Variants in SOX5 observed in about 807,000 individuals in gnomAD.
SOX5 encodes the protein transcription factor SOX-5.
A neutral mutation model predicts 92.0 loss-of-function variants in SOX5; 9 were observed. The observed-to-expected ratio is 0.10, with a 90% CI of 0.06 to 0.17. The LOEUF (loss-of-function observed/expected upper bound fraction) is 0.17. Ranked by LOEUF, SOX5 falls within the 10% of genes least tolerant of loss-of-function variation. The pLI is 1.00. For synonymous variants in SOX5, 344 were observed against 336.3 expected (o/e 1.02, Z -0.25); for missense variants, 642 against 944.5 (o/e 0.68, Z 4.20).
chr12:24,270,508 C>T (rs1321531732), intron 3 of SOX5, among the ~76,000 whole-genome samples: 3 of 152,128 alleles, frequency 2.0e-5, no homozygotes, highest in Non-Finnish European at 2.9e-5. Flanking sequence ...ACTATTTGCT[C>T]TATTATTTTA....
chr12:23,717,011 C>T (rs1324172211), intron 6 of SOX5, among the ~76,000 whole-genome samples: 1 of 152,178 alleles, frequency 6.6e-6, no homozygotes, highest in Non-Finnish European at 1.5e-5. Context: ...CTTTTTGTGG[C>T]CTTTTAGCTG....
intron 3 of SOX5, among the ~76,000 whole-genome samples, chr12:24,224,350 T>C (rs1961354471): frequency 6.6e-6 from 1 of 152,144 alleles, no homozygotes; most frequent in African/African-American, 2.4e-5. Flanking sequence ...TCTTTCTTTT[T>C]TTTTTCGCCT....
At chr12:24,087,978 C>T (rs1472874917) in intron 4 of SOX5, among the ~76,000 whole-genome samples, 1 of 151,904 alleles carries the variant, frequency 6.6e-6, no homozygotes, top group Non-Finnish European at 1.5e-5. Context: ...AACATTCTTC[C>T]AACTAGTGAG....
intron 3 of SOX5, among the ~76,000 whole-genome samples, chr12:24,236,357 G>T (rs1033527105): frequency 1.3e-5 from 2 of 152,094 alleles, no homozygotes; most frequent in Admixed American, 1.3e-4. Context: ...TCATCAATCA[G>T]ACTACACATT....
At chr12:24,121,213 G>A (rs1948577828) in intron 4 of SOX5, among the ~76,000 whole-genome samples, 1 of 152,126 alleles carries the variant, frequency 6.6e-6, no homozygotes, top group Admixed American at 6.5e-5. Context: ...AAATATTTAC[G>A]ATGACTACTG....
chr12:23,962,690 ACTG>A (rs889739375), intron 4 of SOX5, among the ~76,000 whole-genome samples: 6 of 152,332 alleles, frequency 3.9e-5, no homozygotes, highest in African/African-American at 1.4e-4. Flanking sequence ...TTAGGCAGGC[ACTG>A]CTATTTTGAT....
intron 1 of SOX5, among the ~76,000 whole-genome samples, chr12:23,941,881 A>G (rs933128315): frequency 1.3e-5 from 2 of 151,348 alleles, no homozygotes; most frequent in African/African-American, 2.4e-5. Flanking sequence ...AACCTGAATT[A>G]TATGTGACAT....
rs1297910442 is a variant in SOX5, at chr12:23,949,634, A to G, written c.-33T>C. 3.7e-6 allele frequency: 6 copies of G among 1,613,746 alleles called. No homozygotes were observed. The highest frequency in any genetic ancestry group is 5.1e-6 in the Non-Finnish European group (6 of 1,179,848). On this transcript the variant is annotated 5_prime_UTR_variant, in exon 1 of 15. Transcript: ENST00000451604. ...AAGCACAATTTCCCTTTGTCACAGC[A>G]GCCACCTATGATCGTCTCCAACTGA...
At chr12:23,871,223 T>C (rs2096869141) in intron 2 of SOX5, among the ~76,000 whole-genome samples, 1 of 152,188 alleles carries the variant, frequency 6.6e-6, no homozygotes, top group Non-Finnish European at 1.5e-5. Flanking sequence ...TTGACTCTCT[T>C]ACTGTCTGAA....
Position 23,577,200 on chromosome 12 carries a change from T to A in SOX5, c.1165-1362A>T, listed in dbSNP as rs1256229508. Among the ~76,000 whole-genome samples, 450 of 134,918 alleles carry A rather than the reference T, an allele frequency of 3.3e-3. 4 individuals are homozygous for A. Among genetic ancestry groups the A allele is most frequent in the African/African-American group, 0.011 (423 of 36,996 alleles). The allele number at this position is 134,918 out of a possible 152,430, so 88.5% of individuals were successfully genotyped here. On this transcript the variant is annotated intron_variant, in intron 9 of 14. Coordinates refer to ENST00000451604, the MANE Select transcript of SOX5 (RefSeq NM_006940.6). Reference sequence around the variant, plus strand: ...ACATATATATATATATATTTTTTTTTTTTTTTTTTTTTGAGATGGAGTCTT... The same window carrying A: ...ACATATATATATATATATTTTTTTTATTTTTTTTTTTTGAGATGGAGTCTT...
chr12:24,383,128 G>A (rs1483871686), intron 1 of SOX5, among the ~76,000 whole-genome samples: 2 of 152,148 alleles, frequency 1.3e-5, no homozygotes, highest in African/African-American at 4.8e-5. Flanking sequence ...ATATTGCCAA[G>A]GCTGGTCACC....
chr12:23,645,533 C>G (rs1194116155), intron 7 of SOX5, among the ~76,000 whole-genome samples: 1 of 152,142 alleles, frequency 6.6e-6, no homozygotes, highest in Non-Finnish European at 1.5e-5. Context: ...GAGACAAAGA[C>G]GTATTCCTAA....
chr12:23,715,879 C>A (rs1003150392), intron 6 of SOX5, among the ~76,000 whole-genome samples: 1 of 148,380 alleles, frequency 6.7e-6, no homozygotes, highest in Non-Finnish European at 1.5e-5. Flanking sequence ...AATTAAACAA[C>A]CTTAATCTCA....
chr12:23,854,322 G>A (rs933154241), intron 2 of SOX5, among the ~76,000 whole-genome samples: 1 of 151,422 alleles, frequency 6.6e-6, no homozygotes, highest in Non-Finnish European at 1.5e-5. Flanking sequence ...GTCCTCCCAT[G>A]CAGTAAAATA....
intron 9 of SOX5, among the ~76,000 whole-genome samples, chr12:23,585,049 ATAAC>A (rs1434119570): frequency 6.6e-5 from 10 of 152,166 alleles, no homozygotes; most frequent in African/African-American, 1.2e-4. Context: ...AGATTAATCA[ATAAC>A]TAACTCGATA....
chr12:23,940,479 C>A (rs957257104), intron 1 of SOX5, among the ~76,000 whole-genome samples: 1 of 151,112 alleles, frequency 6.6e-6, no homozygotes, highest in African/African-American at 2.4e-5. Context: ...GAGCTAGGGA[C>A]ACTGCAAATG....
chr12:23,999,528 A>C (rs1382028826), intron 4 of SOX5, among the ~76,000 whole-genome samples: 1 of 152,142 alleles, frequency 6.6e-6, no homozygotes, highest in South Asian at 2.1e-4. Context: ...TAATCATTTC[A>C]TAATGTATAC....
Position 24,405,183 on chromosome 12 carries a change from A to G in SOX5, c.-250-36544T>C, listed in dbSNP as rs375932275. ...TATGGAAGCTCTAGCAAACTAACAC[A>G]ACTGTTTTCCTCAAATGTCAAATCC... On this transcript the variant is annotated intron_variant, in intron 1 of 4. Coordinates refer to the SOX5 transcript ENST00000446891. 3.3e-4 allele frequency among the ~76,000 whole-genome samples: 50 copies of G among 152,306 alleles called. 1 individual carries two copies. The Middle Eastern group carries it at 0.014, about 41-fold the overall frequency.
At chr12:24,367,439 T>C (rs1195567631) in intron 2 of SOX5, among the ~76,000 whole-genome samples, 2 of 152,140 alleles carry the variant, frequency 1.3e-5, no homozygotes, top group Admixed American at 1.3e-4. Context: ...CAAAAGCCAA[T>C]AGATATTAAA....
Sources: gnomAD v4.1 joint callset for allele counts (sites outside exome capture counted in the v4.1 genomes callset) on GRCh38, gnomAD v4.1.1 for gene constraint, MANE v1.5 for transcripts, NCBI Gene and HGNC (gene_info 2026-07-23, HGNC 2026-07-21) for gene names.